The following ARHGAP39 variants were observed in gnomAD, a reference collection of about 807,000 sequenced individuals.
ARHGAP39 encodes the protein rho GTPase-activating protein 39.
Under a neutral mutation model 106.9 loss-of-function variants are expected in ARHGAP39, and 44 were observed. The ratio of observed to expected loss-of-function variants is 0.41; its 90% CI spans 0.32 to 0.53. The LOEUF is 0.53. ARHGAP39 is among the 20% of genes least tolerant of loss of function. The probability of loss-of-function intolerance (pLI) is 0.21; values close to 1 mark genes in which losing one functional copy is unlikely to be tolerated. For synonymous variants in ARHGAP39, 768 were observed against 693.2 expected, an observed-to-expected ratio of 1.11 and a Z score of -1.69; for missense variants, 1,496 against 1,577.3, an observed-to-expected ratio of 0.95 and a Z score of 0.87.
chr8:144,631,617 G>C (rs763347273), intron 1 of ARHGAP39, among the ~76,000 whole-genome samples: 5 of 152,204 alleles, frequency 3.3e-5, no homozygotes, highest in Non-Finnish European at 5.9e-5. Context: ...ACCTGTCGAG[G>C]TGGATGGGGC....
At chr8:144,603,325 CT>C (rs993039023) in intron 2 of ARHGAP39, among the ~76,000 whole-genome samples, 6 of 151,142 alleles carry the variant, frequency 4.0e-5, no homozygotes, top group Non-Finnish European at 8.9e-5. Flanking sequence ...GTGCATGTAC[CT>C]GCATGTGTGG....
rs1036735693 is a variant in ARHGAP39, at chr8:144,547,935, C to A, written c.1151G>T (p.Ser384Ile). 1.9e-6 allele frequency: 3 copies of A among 1,592,338 alleles called. No individual in the cohort carries two copies. The highest frequency in any genetic ancestry group is 1.3e-5 in the African/African-American group (1 of 74,574). ...CTTGCCGGCGGGACTGTACTCCAGGCTCAGGAAGCGCTCGGGACACTTCTG... is the reference window on the plus strand; with the variant it reads ...CTTGCCGGCGGGACTGTACTCCAGGATCAGGAAGCGCTCGGGACACTTCTG... ...TKQKCPERFL[S>I]LEYSPAGKEY... Residue 384 changes from serine to isoleucine, a missense_variant, in exon 5 of 12, where the codon AGC (serine) becomes ATC (isoleucine). Ser to Ile is a moderately radical substitution (Grantham distance 142, BLOSUM62 -2). Transcript: ENST00000377307. This position sits in a 1 kb window ranked among gnomAD's most constrained non-coding sequence, Gnocchi z 5.2.
chr8:144,597,456 C>T (rs535189118), intron 2 of ARHGAP39, among the ~76,000 whole-genome samples: 5 of 152,326 alleles, frequency 3.3e-5, no homozygotes, highest in East Asian at 1.9e-4. Flanking sequence ...ACACAGACAG[C>T]GAGCTGCCAG....
intron 1 of ARHGAP39, among the ~76,000 whole-genome samples, chr8:144,640,829 G>A (rs1821294230): frequency 6.6e-6 from 1 of 152,144 alleles, no homozygotes; most frequent in Non-Finnish European, 1.5e-5. Flanking sequence ...TAGCCATTAG[G>A]TATTAGATAA....
intron 1 of ARHGAP39, among the ~76,000 whole-genome samples, chr8:144,611,174 CTCAG>C (rs1820478589): frequency 6.6e-6 from 1 of 152,212 alleles, no homozygotes; most frequent in Non-Finnish European, 1.5e-5. Context: ...GGAACATATA[CTCAG>C]TAACTAATCA....
At chr8:144,673,012 TTCAAAACCAG>T (rs1434008935) in intron 1 of ARHGAP39, among the ~76,000 whole-genome samples, 29 of 151,702 alleles carry the variant, frequency 1.9e-4, no homozygotes, top group African/African-American at 6.0e-4. Flanking sequence ...AGCCCAAGAG[TTCAAAACCAG>T]TCTGGGTAAC....
chr8:144,530,662 G>T, intron 11 of ARHGAP39, 40 bp downstream of exon 11: 1 of 1,526,020 alleles, frequency 6.6e-7, no homozygotes. Context: ...GGGCGGGGCG[G>T]GGAGGGGAAA....
chr8:144,636,591 G>A (rs536521671), intron 1 of ARHGAP39, among the ~76,000 whole-genome samples: 2 of 152,202 alleles, frequency 1.3e-5, no homozygotes, highest in South Asian at 2.1e-4. Context: ...CACAGACACA[G>A]CATTACCAAA....
At position 144,548,355 on chromosome 8, in the gene ARHGAP39, C is replaced by T. The variant is rs1161770187; in HGVS notation, c.731G>A (p.Arg244Lys). The T allele has an allele frequency of 6.2e-7, 1 of 1,608,156 alleles. No homozygotes were observed. Among genetic ancestry groups the T allele is most frequent in the Admixed American group, 1.7e-5 (1 of 59,630 alleles). The change falls in exon 5 of 12, where the codon AGA (arginine) becomes AAA (lysine). Residue 244 changes from arginine (R) to lysine (K), a missense_variant. By Grantham distance (26) the Arg-to-Lys change is conservative. This residue lies in a region of ARHGAP39 where 905 missense variants were observed against 816.4 expected (regional missense o/e 1.11). Coordinates refer to ENST00000377307, the MANE Select transcript of ARHGAP39 (RefSeq NM_025251.3). This position sits in a 1 kb window ranked among gnomAD's most constrained non-coding sequence, Gnocchi z 7.4. ...PDGPPGVRSR[R>K]PSGSQHSPSL... ...GGGTGAGTGCTGGCTGCCGGAGGGT[C>T]TGCGGGAGCGGACCCCAGGTGGGCC... is the stretch of plus-strand genomic sequence containing the variant.
In ARHGAP39 at chr8:144,599,436, G is replaced by A. The variant is rs545217725; in HGVS notation, c.80+6099C>T. Among the ~76,000 whole-genome samples, 25 of 152,266 alleles carry A rather than the reference G, an allele frequency of 1.6e-4. No individual in the cohort carries two copies. The East Asian group carries it at 3.7e-3, about 22-fold the overall frequency. ...ATGATACCATTAGTGTAAGAATGAA[G>A]GGGAAATAAGAAAACATACTAACAT... On this transcript the variant is annotated intron_variant, in intron 2 of 11. Coordinates refer to ENST00000377307, the MANE Select transcript of ARHGAP39 (RefSeq NM_025251.3).
At position 144,545,483 on chromosome 8, in the gene ARHGAP39, G is replaced by A. The variant is rs1356879901; in HGVS notation, c.2287C>T (p.Pro763Ser). 6 of 1,603,294 alleles carry A rather than the reference G, an allele frequency of 3.7e-6. No homozygotes were observed. Among genetic ancestry groups the A allele is most frequent in the Non-Finnish European group, 5.1e-6 (6 of 1,172,482 alleles). Residue 763 changes from proline to serine, a missense_variant, in exon 6 of 12, where the codon CCA becomes TCA. This residue lies in a region of ARHGAP39 where 470 missense variants were observed against 605.1 expected (regional missense o/e 0.78). Transcript: ENST00000377307. ...YMGDRRAKAD[P>S]LHVALEVATK... ...GCCACCTCCAGGGCCACGTGCAGTGGGTCGGCCTTGGCCCGCCGGTCACCC... is the reference window on the plus strand; with the variant it reads ...GCCACCTCCAGGGCCACGTGCAGTGAGTCGGCCTTGGCCCGCCGGTCACCC...
intron 7 of ARHGAP39, among the ~76,000 whole-genome samples, chr8:144,535,777 C>T (rs377505917): frequency 2.6e-5 from 4 of 152,096 alleles, no homozygotes; most frequent in Admixed American, 6.5e-5. Context: ...TACACTGGGG[C>T]CACCGCCTCT....
chr8:144,589,756 G>T (rs1447301653), intron 2 of ARHGAP39, among the ~76,000 whole-genome samples: 1 of 152,226 alleles, frequency 6.6e-6, no homozygotes, highest in Non-Finnish European at 1.5e-5. Context: ...GAGCTCGGAG[G>T]CCTCCCACGA....
At chr8:144,653,943 G>A (rs1168279592) in intron 1 of ARHGAP39, among the ~76,000 whole-genome samples, 1 of 152,224 alleles carries the variant, frequency 6.6e-6, no homozygotes, top group African/African-American at 2.4e-5. Flanking sequence ...CCGGCTCTGT[G>A]CAGGCACTTT....
rs767502642 is a variant in ARHGAP39, at chr8:144,545,242, G to A, written c.2521+7C>T. The A allele has an allele frequency of 1.8e-5, 27 of 1,519,252 alleles. No homozygotes were observed. The highest frequency in any genetic ancestry group is 2.3e-5 in the East Asian group (1 of 43,022). The allele number at this position is 1,519,252 out of a possible 1,614,324, so 94.1% of individuals were successfully genotyped here. ...GAGCTGGTGGCAAAGCCCGTGCATG[G>A]CCTTACCTTTAGTGTCATTGACGGG... On this transcript the variant is annotated splice_region_variant and intron_variant, in intron 6 of 11. Coordinates refer to ENST00000377307, the MANE Select transcript of ARHGAP39 (RefSeq NM_025251.3).
At chr8:144,550,211 G>A (rs921705583) in intron 4 of ARHGAP39, among the ~76,000 whole-genome samples, 1 of 152,132 alleles carries the variant, frequency 6.6e-6, no homozygotes, top group African/African-American at 2.4e-5. Context: ...GGAGGTCGAA[G>A]CTGCAGTGAG....
At chr8:144,602,331 G>A (rs555207949) in intron 2 of ARHGAP39, among the ~76,000 whole-genome samples, 10 of 141,688 alleles carry the variant, frequency 7.1e-5, no homozygotes, top group East Asian at 4.4e-4. Flanking sequence ...GCGTGCGTGC[G>A]AGCTCGTGTA....
In ARHGAP39 at chr8:144,645,599, A is replaced by G. The variant is rs764001199; in HGVS notation, c.-81-39904T>C. On this transcript the variant is annotated intron_variant, in intron 1 of 11. Coordinates refer to ENST00000377307, the MANE Select transcript of ARHGAP39 (RefSeq NM_025251.3). This position sits in a 1 kb window ranked among gnomAD's most constrained non-coding sequence, Gnocchi z 4.4. ...CTGCCTCACTCTGGTCTCTCCCGGC[A>G]CAGAGTCCCATGAATGTCATCATCC... Among the ~76,000 whole-genome samples the G allele has an allele frequency of 3.9e-5, 6 of 152,252 alleles. No individual in the cohort carries two copies. The highest frequency in any genetic ancestry group is 7.3e-5 in the Non-Finnish European group (5 of 68,042).
At chr8:144,537,854 G>A (rs747527686) in intron 6 of ARHGAP39, 41 bp from the exon 7 acceptor site, 63 of 1,576,886 alleles carry the variant, frequency 4.0e-5, no homozygotes, top group Non-Finnish European at 5.1e-5. Context: ...AGAACAAAAC[G>A]CCAGGAGCCA....
Sources: gnomAD v4.1 joint callset for allele counts (sites outside exome capture counted in the v4.1 genomes callset) on GRCh38, gnomAD v4.1.1 for gene constraint, gnomAD v4.1.1 regional missense constraint, Gnocchi (gnomAD v3.1) non-coding constraint, MANE v1.5 for transcripts, NCBI Gene and HGNC (gene_info 2026-07-23, HGNC 2026-07-21) for gene names.